The following METTL16 variants were observed in gnomAD, a reference collection of about 807,000 sequenced individuals.
METTL16 encodes the protein methyltransferase 16, RNA N6-adenosine.
A neutral mutation model predicts 57.9 loss-of-function variants in METTL16; 19 were observed. The ratio of observed to expected loss-of-function variants is 0.33; its 90% confidence interval spans 0.23 to 0.48. The LOEUF is 0.48. Ranked by LOEUF, METTL16 falls within the 20% of genes least tolerant of loss-of-function variation. The pLI is 0.99. For missense variants in METTL16, 434 were observed against 691.5 expected, an observed-to-expected ratio of 0.63 and a Z score of 4.18; for synonymous variants, 246 against 255.6, an observed-to-expected ratio of 0.96 and a Z score of 0.36.
chr17:2,492,109 G>A lies in METTL16; in HGVS notation c.128+10095C>T, dbSNP rs191160918. 8.2e-3 allele frequency among the ~76,000 whole-genome samples: 1,236 copies of A among 151,476 alleles called. 15 individuals carry two copies. Among genetic ancestry groups the A allele is most frequent in the African/African-American group, 0.028 (1,168 of 41,298 alleles). On this transcript the variant is annotated intron_variant, in intron 2 of 9. Coordinates refer to ENST00000263092, the MANE Select transcript of METTL16 (RefSeq NM_024086.4). ...GCCTGTAGTCCCAGCTACTCGGGAG[G>A]CTGAGGTAGGAGAATGGCGTGAACC...
chr17:2,432,828 CTAAGT>C (rs2066882839), intron 8 of METTL16, among the ~76,000 whole-genome samples: 1 of 152,152 alleles, frequency 6.6e-6, no homozygotes, highest in African/African-American at 2.4e-5. Flanking sequence ...ATACCAGGCA[CTAAGT>C]TAAGTACACT....
intron 6 of METTL16, among the ~76,000 whole-genome samples, chr17:2,453,615 G>T (rs1275122518): frequency 6.6e-6 from 1 of 152,078 alleles, no homozygotes; most frequent in African/African-American, 2.4e-5. Context: ...ACTTCTCTCT[G>T]TAACTGTAAG....
chr17:2,452,507 TGAA>T (rs1428630538), intron 6 of METTL16, among the ~76,000 whole-genome samples: 1 of 151,754 alleles, frequency 6.6e-6, no homozygotes, highest in African/African-American at 2.4e-5. Flanking sequence ...GAAAAAAAAA[TGAA>T]GAAAAGGAAG....
intron 6 of METTL16, among the ~76,000 whole-genome samples, chr17:2,442,692 G>A (rs1567887057): frequency 6.6e-6 from 1 of 152,148 alleles, no homozygotes; most frequent in Non-Finnish European, 1.5e-5. Flanking sequence ...GGGACGTCCC[G>A]CAGGTCCTAC....
At chr17:2,475,886 G>A (rs1021589804) in intron 3 of METTL16, among the ~76,000 whole-genome samples, 2 of 152,200 alleles carry the variant, frequency 1.3e-5, no homozygotes, top group African/African-American at 4.8e-5. Flanking sequence ...CTATTTTAGA[G>A]GGTTTGGGGC....
At chr17:2,480,293 G>A (rs1021890383) in intron 2 of METTL16, among the ~76,000 whole-genome samples, 2 of 151,876 alleles carry the variant, frequency 1.3e-5, no homozygotes, top group Non-Finnish European at 2.9e-5. Context: ...ATATAGATTT[G>A]TTATCTATAC....
At chr17:2,444,808 G>T (rs560926354) in intron 6 of METTL16, among the ~76,000 whole-genome samples, 69 of 151,558 alleles carry the variant, frequency 4.6e-4, no homozygotes, top group African/African-American at 1.6e-3. Flanking sequence ...CTGCCTCCCG[G>T]GTTCAAGCAA....
intron 8 of METTL16, among the ~76,000 whole-genome samples, chr17:2,431,034 C>T (rs907964466): frequency 1.2e-4 from 19 of 152,126 alleles, no homozygotes; most frequent in African/African-American, 4.3e-4. Context: ...CAACCTCCGC[C>T]TCCTGGGTTC....
At chr17:2,427,026 C>A (rs1208138582) in intron 8 of METTL16, among the ~76,000 whole-genome samples, 1 of 151,740 alleles carries the variant, frequency 6.6e-6, no homozygotes, top group Non-Finnish European at 1.5e-5. Flanking sequence ...ACCTGTAATC[C>A]CAGCTGCTCG....
At chr17:2,455,212 C>A in intron 6 of METTL16, 1 of 164,024 alleles carries the variant, frequency 6.1e-6, no homozygotes, top group Non-Finnish European at 1.3e-5. Flanking sequence ...CCTCAGCCTC[C>A]CAAATAGCTG....
intron 1 of METTL16, among the ~76,000 whole-genome samples, chr17:2,506,163 T>C (rs1285796735): frequency 6.6e-6 from 1 of 152,060 alleles, no homozygotes; most frequent in Non-Finnish European, 1.5e-5. Context: ...TTAGTCATTC[T>C]TGGGCTCACA....
In METTL16 at chr17:2,452,018, T is replaced by G. The variant is rs546460798; in HGVS notation, c.729-10459A>C. On this transcript the variant is annotated intron_variant, in intron 6 of 9. Coordinates refer to ENST00000263092, the MANE Select transcript of METTL16 (RefSeq NM_024086.4). Reference sequence around the variant, plus strand: ...TGGGCATGGTGATGCATGCCTGTGGTCCCAGCTACTAGGGGGGCTGAGGTG... The same window carrying G: ...TGGGCATGGTGATGCATGCCTGTGGGCCCAGCTACTAGGGGGGCTGAGGTG... Among the ~76,000 whole-genome samples, 8 of 151,562 alleles carry G rather than the reference T, an allele frequency of 5.3e-5. No homozygotes were observed. In the East Asian group the frequency reaches 1.6e-3, roughly 29 times the overall value.
intron 2 of METTL16, among the ~76,000 whole-genome samples, chr17:2,497,072 C>T (rs1159063754): frequency 6.6e-6 from 1 of 151,538 alleles, no homozygotes; most frequent in Non-Finnish European, 1.5e-5. Context: ...GTGGCACAAT[C>T]TCGGCTCACT....
chr17:2,460,588 C>A (rs1414700603), intron 6 of METTL16, among the ~76,000 whole-genome samples: 1 of 152,144 alleles, frequency 6.6e-6, no homozygotes, highest in Admixed American at 6.5e-5. Flanking sequence ...CTAGTTCCCT[C>A]AAAAGCCATA....
At chr17:2,508,124 A>T (rs1050992707) in intron 1 of METTL16, among the ~76,000 whole-genome samples, 3 of 3,772 alleles carry the variant, frequency 8.0e-4, no homozygotes, top group Admixed American at 3.5e-3. Context: ...AATGATCAAT[A>T]AAAAAAAAAA....
intron 6 of METTL16, among the ~76,000 whole-genome samples, chr17:2,448,172 G>T (rs1275759201): frequency 1.5e-4 from 22 of 145,722 alleles, no homozygotes; most frequent in South Asian, 2.2e-4. Flanking sequence ...GGTGAGGGGC[G>T]CCTCTGCCCG....
chr17:2,476,465 C>A (rs191629024), intron 3 of METTL16, among the ~76,000 whole-genome samples: 185 of 151,868 alleles, frequency 1.2e-3, no homozygotes, highest in African/African-American at 4.3e-3. Context: ...AAGTGGAGAA[C>A]AGTGCAAAGA....
Position 2,420,889 on chromosome 17 carries a change from G to A in METTL16, c.904C>T (p.Arg302Ter). 1 of 1,613,070 alleles carries A rather than the reference G, an allele frequency of 6.2e-7. No individual in the cohort carries two copies. The highest frequency in any genetic ancestry group is 1.1e-5 in the South Asian group (1 of 90,768). Residue 302 changes from arginine to a stop codon, truncating the protein, a stop_gained, in exon 9 of 10, where the codon CGA becomes TGA. Transcript: ENST00000263092. LOFTEE classifies it high-confidence loss of function. The surrounding 1 kb of genome is among the most constrained non-coding windows in gnomAD (Gnocchi z 5.4). The part of the protein sequence containing the change: ...DVTVPSPPSK[R>*]RKLEKPRKPI... ...TTTCTCGGTTTCTCTAATTTTCTTC[G>A]CTTACTTGGTGGTGACTGCAAGAAA...
At chr17:2,433,762 T>C (rs1392371182) in intron 8 of METTL16, among the ~76,000 whole-genome samples, 1 of 152,226 alleles carries the variant, frequency 6.6e-6, no homozygotes, top group Admixed American at 6.5e-5. Context: ...GCGCACGATG[T>C]TGCTCTTTAA....
Sources: gnomAD v4.1 joint callset for allele counts (sites outside exome capture counted in the v4.1 genomes callset) on GRCh38, gnomAD v4.1.1 for gene constraint, Gnocchi (gnomAD v3.1) non-coding constraint, MANE v1.5 for transcripts, NCBI Gene and HGNC (gene_info 2026-07-23, HGNC 2026-07-21) for gene names.